KCNIP4: variants seen among roughly 807,000 people sequenced by gnomAD.
KCNIP4 encodes the protein Kv channel-interacting protein 4.
Under a neutral mutation model 34.0 loss-of-function variants are expected in KCNIP4, and 12 were observed. The observed-to-expected ratio is 0.35, with a 90% CI of 0.23 to 0.57. The LOEUF (loss-of-function observed/expected upper bound fraction) is 0.57, where lower values mean the gene tolerates loss of function less well. KCNIP4 is among the 20% of genes least tolerant of loss of function. The pLI, the probability that KCNIP4 is intolerant of heterozygous loss-of-function variation, is 0.83. For synonymous variants in KCNIP4, 124 were observed against 102.2 expected, an observed-to-expected ratio of 1.21 and a Z score of -1.29; for missense variants, 238 against 311.7, an observed-to-expected ratio of 0.76 and a Z score of 1.78.
intron 2 of KCNIP4, among the ~76,000 whole-genome samples, chr4:20,864,260 ATATG>A (rs907689752): frequency 6.6e-5 from 10 of 151,686 alleles, no homozygotes; most frequent in African/African-American, 1.9e-4. Context: ...ATATGCACAC[ATATG>A]TATGTACACA....
chr4:21,028,938 A>G (rs530372662), intron 1 of KCNIP4, among the ~76,000 whole-genome samples: 44 of 152,336 alleles, frequency 2.9e-4, no homozygotes, highest in Non-Finnish European at 6.3e-4. Context: ...TACCTAAAGT[A>G]TTTCCATAGT....
At chr4:21,287,375 C>T (rs1034013185) in intron 1 of KCNIP4, among the ~76,000 whole-genome samples, 3 of 152,096 alleles carry the variant, frequency 2.0e-5, no homozygotes, top group Non-Finnish European at 4.4e-5. Flanking sequence ...GTCCATATCT[C>T]ATAATTATTA....
intron 1 of KCNIP4, among the ~76,000 whole-genome samples, chr4:21,872,101 C>T (rs1419695449): frequency 6.6e-6 from 1 of 152,044 alleles, no homozygotes; most frequent in Non-Finnish European, 1.5e-5. Flanking sequence ...GTCCTATCAG[C>T]TGCAATTCCC....
rs140939177 is a variant in KCNIP4, at chr4:21,153,968, G to T, written c.62-271259C>A. Among the ~76,000 whole-genome samples the T allele has an allele frequency of 1.1e-4, 16 of 151,488 alleles. No homozygotes were observed. The East Asian group carries it at 2.9e-3, about 28-fold the overall frequency. Reference sequence around the variant, plus strand: ...ATTTACACTGGTCACCAAATTGAAGGGCCAGTTAGTAGTTAAAAAAAAAAT... The same window carrying T: ...ATTTACACTGGTCACCAAATTGAAGTGCCAGTTAGTAGTTAAAAAAAAAAT... On this transcript the variant is annotated intron_variant, in intron 1 of 8. Coordinates refer to ENST00000382152, the MANE Select transcript of KCNIP4 (RefSeq NM_025221.6).
chr4:21,851,515 T>A (rs1033969194), intron 1 of KCNIP4: 1 of 152,108 alleles, frequency 6.6e-6, no homozygotes, highest in African/African-American at 2.4e-5. Flanking sequence ...CCTAAAGCAA[T>A]AGATCCATGA....
chr4:21,519,732 A>ATGTATGATACACACGTGTGTGTGTG (rs1560481020), intron 1 of KCNIP4, among the ~76,000 whole-genome samples: 1 of 113,412 alleles, frequency 8.8e-6, no homozygotes, highest in Non-Finnish European at 1.8e-5. Flanking sequence ...ACACGTGTGT[A>ATGTATGATACACACGTGTGTGTGTG]TATGTATGAT....
intron 1 of KCNIP4, among the ~76,000 whole-genome samples, chr4:21,089,622 A>G (rs1746796588): frequency 6.6e-6 from 1 of 152,218 alleles, no homozygotes; most frequent in Admixed American, 6.5e-5. Flanking sequence ...TCAGATATCA[A>G]AAAGTAAAAA....
intron 1 of KCNIP4, among the ~76,000 whole-genome samples, chr4:21,557,671 C>A (rs532578374): frequency 5.3e-5 from 8 of 151,954 alleles, no homozygotes; most frequent in Middle Eastern, 3.4e-3. Context: ...CCCATGGTAC[C>A]AACCTGGTCC....
At chr4:21,776,002 GCAGATTC>G (rs1276849252) in intron 1 of KCNIP4, among the ~76,000 whole-genome samples, 5 of 152,340 alleles carry the variant, frequency 3.3e-5, no homozygotes, top group African/African-American at 1.2e-4. Flanking sequence ...GTAGGCTTAA[GCAGATTC>G]CAGCTGAGAG....
chr4:20,786,398 G>A (rs934283931), intron 3 of KCNIP4, among the ~76,000 whole-genome samples: 2 of 151,970 alleles, frequency 1.3e-5, no homozygotes, highest in Non-Finnish European at 2.9e-5. Flanking sequence ...TCAGCAACAC[G>A]CAATTATACC....
chr4:21,211,631 T>C (rs928425244), intron 1 of KCNIP4, among the ~76,000 whole-genome samples: 1 of 152,126 alleles, frequency 6.6e-6, no homozygotes, highest in Non-Finnish European at 1.5e-5. Flanking sequence ...TGGGAACTGC[T>C]GCCCTATGAC....
chr4:21,046,951 T>C (rs2149786719), intron 1 of KCNIP4, among the ~76,000 whole-genome samples: 1 of 152,326 alleles, frequency 6.6e-6, no homozygotes, highest in East Asian at 1.9e-4. Context: ...CGAAGTCTTC[T>C]GCCTGCTCAC....
chr4:21,637,783 C>CAA (rs3050028), intron 1 of KCNIP4, among the ~76,000 whole-genome samples: 9 of 109,402 alleles, frequency 8.2e-5, no homozygotes, highest in South Asian at 3.1e-4. Context: ...AAGTCCGTCT[C>CAA]AAAAAAAAAA....
intron 1 of KCNIP4, among the ~76,000 whole-genome samples, chr4:21,565,127 C>A (rs767199931): frequency 2.0e-4 from 31 of 152,250 alleles, no homozygotes; most frequent in Non-Finnish European, 3.8e-4. Context: ...GCTACCATAA[C>A]AAAATACCAT....
intron 1 of KCNIP4, among the ~76,000 whole-genome samples, chr4:21,947,494 G>T (rs945858697): frequency 1.3e-5 from 2 of 152,146 alleles, no homozygotes; most frequent in Non-Finnish European, 2.9e-5. Context: ...TTAACTATTG[G>T]AGTGAGGAAA....
chr4:21,692,969 G>A (rs1448938695), intron 1 of KCNIP4, among the ~76,000 whole-genome samples: 1 of 151,436 alleles, frequency 6.6e-6, no homozygotes. Flanking sequence ...GGATGAGAGA[G>A]TACATAGGAG....
intron 1 of KCNIP4, among the ~76,000 whole-genome samples, chr4:21,010,963 A>G (rs1202282311): frequency 6.6e-6 from 1 of 152,178 alleles, no homozygotes; most frequent in Non-Finnish European, 1.5e-5. Flanking sequence ...CCCTGTCCTG[A>G]GAGTTACCTT....
chr4:20,858,016 T>C (rs1289633088), intron 2 of KCNIP4, among the ~76,000 whole-genome samples: 1 of 151,810 alleles, frequency 6.6e-6, no homozygotes, highest in African/African-American at 2.4e-5. Context: ...GAGACCAGCC[T>C]GGCCAACATG....
At chr4:20,831,961 CA>C (rs1275781793) in intron 3 of KCNIP4, among the ~76,000 whole-genome samples, 2 of 152,184 alleles carry the variant, frequency 1.3e-5, no homozygotes, top group African/African-American at 4.8e-5. Context: ...GGAACTCAGG[CA>C]ACTAAAATAA....
Sources: gnomAD v4.1 joint callset for allele counts (sites outside exome capture counted in the v4.1 genomes callset) on GRCh38, gnomAD v4.1.1 for gene constraint, MANE v1.5 for transcripts, NCBI Gene and HGNC (gene_info 2026-07-23, HGNC 2026-07-21) for gene names.